The following MSRA variants were observed in gnomAD, a reference collection of about 807,000 sequenced individuals.
The protein encoded by MSRA is methionine sulfoxide reductase A.
In MSRA, 54 loss-of-function variants were observed where a neutral mutation model predicts 31.3. The ratio of observed to expected loss-of-function variants is 1.73; its 90% CI spans 1.39 to 2.17. MSRA has a LOEUF of 2.17. Ranked by LOEUF, MSRA falls within the 30% of genes most tolerant of loss-of-function variation. MSRA has a pLI of 0.00. For missense variants in MSRA, 507 were observed against 300.9 expected (o/e 1.69, Z -5.07); for synonymous variants, 169 against 116.5 (o/e 1.45, Z -2.90).
intron 5 of MSRA, among the ~76,000 whole-genome samples, chr8:10,377,496 G>T (rs1805821309): frequency 6.6e-6 from 1 of 152,214 alleles, no homozygotes; most frequent in Non-Finnish European, 1.5e-5. Flanking sequence ...TTGGGTGGAT[G>T]GGTGGATGGG....
chr8:10,248,464 C>T (rs545494376), intron 3 of MSRA, among the ~76,000 whole-genome samples: 1 of 152,280 alleles, frequency 6.6e-6, no homozygotes, highest in South Asian at 2.1e-4. Flanking sequence ...CAAGCATTAT[C>T]TCAGCACACA....
chr8:10,060,135 A>G (rs746845539), intron 1 of MSRA, among the ~76,000 whole-genome samples: 4 of 152,236 alleles, frequency 2.6e-5, no homozygotes, highest in African/African-American at 4.8e-5. Context: ...CATAACTGCT[A>G]TGCATGCCAA....
chr8:10,212,616 A>T (rs1294004612), intron 2 of MSRA, among the ~76,000 whole-genome samples: 1 of 152,238 alleles, frequency 6.6e-6, no homozygotes, highest in Non-Finnish European at 1.5e-5. Flanking sequence ...CTAGTTTGTG[A>T]TACTTCAATA....
intron 5 of MSRA, among the ~76,000 whole-genome samples, chr8:10,342,384 C>G (rs1465831519): frequency 1.3e-5 from 2 of 152,148 alleles, no homozygotes; most frequent in African/African-American, 4.8e-5. Flanking sequence ...CATCACACTC[C>G]GTGTAGCTTC....
chr8:10,288,977 TTTC>T lies in MSRA; in HGVS notation c.332-12554_332-12552del, dbSNP rs923860649. On this transcript the variant is annotated intron_variant, in intron 3 of 5. Transcript: ENST00000317173. ...GTGGTGAGCTTCAATAGGAGTGCCA[TTTC>T]TTTTTTTTTTTTCCTTTTTTCTTTT... Among the ~76,000 whole-genome samples, 44 of 104,352 alleles carry T rather than the reference TTTC, an allele frequency of 4.2e-4. 2 individuals carry two copies. The highest frequency in any genetic ancestry group is 2.9e-3 in the Admixed American group (27 of 9,420). The allele number at this position is 104,352 out of a possible 152,430, so 68.5% of individuals were successfully genotyped here.
chr8:10,392,286 T>C (rs1585664190), intron 5 of MSRA, among the ~76,000 whole-genome samples: 1 of 152,232 alleles, frequency 6.6e-6, no homozygotes, highest in Non-Finnish European at 1.5e-5. Flanking sequence ...TCCTTAAACA[T>C]TGAGCAATGC....
rs187744056 is a variant in MSRA, at chr8:10,126,238, C to A, written c.142+71580C>A. On this transcript the variant is annotated intron_variant, in intron 1 of 5. Coordinates refer to ENST00000317173, the MANE Select transcript of MSRA (RefSeq NM_012331.5). ...AGACAACGTGAAAGAAGATGATGGGCAAAATGGATGGTTTTAGTTACTTCT... is the reference window on the plus strand; with the variant it reads ...AGACAACGTGAAAGAAGATGATGGGAAAAATGGATGGTTTTAGTTACTTCT... Among the ~76,000 whole-genome samples the A allele has an allele frequency of 3.2e-3, 494 of 152,290 alleles. 3 individuals carry two copies. Among genetic ancestry groups the A allele is most frequent in the African/African-American group, 0.01 (429 of 41,558 alleles).
chr8:10,086,196 G>A (rs1798550537), intron 1 of MSRA, among the ~76,000 whole-genome samples: 1 of 152,188 alleles, frequency 6.6e-6, no homozygotes, highest in African/African-American at 2.4e-5. Context: ...GCCAACACTT[G>A]ATATTGTCTG....
intron 2 of MSRA, among the ~76,000 whole-genome samples, chr8:10,220,465 T>C (rs1810391766): frequency 6.6e-6 from 1 of 152,196 alleles, no homozygotes; most frequent in South Asian, 2.1e-4. Context: ...AGTGAACACA[T>C]AGTCAGATGT....
chr8:10,333,596 G>C (rs889192489), intron 5 of MSRA, among the ~76,000 whole-genome samples: 2 of 152,128 alleles, frequency 1.3e-5, no homozygotes, highest in South Asian at 2.1e-4. Flanking sequence ...GATAATAGTG[G>C]CTACTTCTTA....
At chr8:10,328,669 A>G (rs148976259) in intron 5 of MSRA, among the ~76,000 whole-genome samples, 104 of 152,294 alleles carry the variant, frequency 6.8e-4, no homozygotes, top group Non-Finnish European at 1.1e-3. Context: ...CCATCTTCCC[A>G]TGAGACATCT....
chr8:10,096,766 T>C (rs1799182638), intron 1 of MSRA, among the ~76,000 whole-genome samples: 1 of 152,224 alleles, frequency 6.6e-6, no homozygotes, highest in Non-Finnish European at 1.5e-5. Flanking sequence ...GTGATAGTTC[T>C]GTTCTTAAAA....
At chr8:10,293,332 A>G (rs973947096) in intron 3 of MSRA, among the ~76,000 whole-genome samples, 1 of 152,202 alleles carries the variant, frequency 6.6e-6, no homozygotes, top group South Asian at 2.1e-4. Context: ...AAGATGAGCT[A>G]CTGCTTCCAT....
chr8:10,344,574 C>CAAAA (rs56843505), intron 5 of MSRA, among the ~76,000 whole-genome samples: 3 of 64,610 alleles, frequency 4.6e-5, no homozygotes, highest in African/African-American at 7.4e-5. Flanking sequence ...GACTCCGTCT[C>CAAAA]AAAAAAAAAA....
chr8:10,160,100 A>G (rs998080203), intron 1 of MSRA, among the ~76,000 whole-genome samples: 35 of 152,170 alleles, frequency 2.3e-4, no homozygotes, highest in African/African-American at 8.4e-4. Context: ...AAGATGTGCA[A>G]AGAAGTCCAT....
At chr8:10,298,149 A>C (rs1800643559) in intron 3 of MSRA, among the ~76,000 whole-genome samples, 1 of 152,210 alleles carries the variant, frequency 6.6e-6, no homozygotes, top group African/African-American at 2.4e-5. Context: ...GTCTCTGGCA[A>C]AATAGTTGTG....
At chr8:10,144,052 G>T (rs1343803069) in intron 1 of MSRA, among the ~76,000 whole-genome samples, 2 of 152,084 alleles carry the variant, frequency 1.3e-5, no homozygotes, top group African/African-American at 4.8e-5. Context: ...GTGAAGTCTG[G>T]TGGTAACAGT....
chr8:10,137,726 T>TA (rs1244472255), intron 1 of MSRA, among the ~76,000 whole-genome samples: 1 of 151,910 alleles, frequency 6.6e-6, no homozygotes, highest in Non-Finnish European at 1.5e-5. Flanking sequence ...ACTGGGGAGG[T>TA]ATAAGGAGCT....
chr8:10,295,977 C>T (rs934033969), intron 3 of MSRA, among the ~76,000 whole-genome samples: 35 of 152,316 alleles, frequency 2.3e-4, no homozygotes, highest in Middle Eastern at 3.4e-3. Context: ...CTCATTAAAC[C>T]TGGCTTAATA....
Sources: allele counts gnomAD v4.1 joint callset (sites outside exome capture counted in the v4.1 genomes callset), GRCh38; gene constraint gnomAD v4.1.1; transcripts MANE v1.5; gene names NCBI Gene and HGNC (gene_info 2026-07-23, HGNC 2026-07-21).